PTPRT: variants seen among roughly 807,000 people sequenced by gnomAD.
PTPRT encodes the protein protein tyrosine phosphatase receptor type T, also known as receptor-type tyrosine-protein phosphatase T.
In PTPRT, 56 loss-of-function variants were observed where a neutral mutation model predicts 176.8. The ratio of observed to expected loss-of-function variants is 0.32; its 90% CI spans 0.26 to 0.40. The LOEUF (loss-of-function observed/expected upper bound fraction) is 0.40, where lower values mean the gene tolerates loss of function less well. Ranked by LOEUF, PTPRT falls within the 10% of genes least tolerant of loss-of-function variation. PTPRT has a pLI of 1.00. For synonymous variants in PTPRT, 783 were observed against 739.0 expected, an observed-to-expected ratio of 1.06 and a Z score of -0.96; for missense variants, 1,540 against 1,908.2, an observed-to-expected ratio of 0.81 and a Z score of 3.60.
At chr20:42,154,197 C>G (rs767220750) in intron 17 of PTPRT, among the ~76,000 whole-genome samples, 3 of 152,176 alleles carry the variant, frequency 2.0e-5, no homozygotes, top group Non-Finnish European at 4.4e-5. Context: ...AGGAGCTGAA[C>G]CAGAACCTTT....
chr20:42,716,537 CATAA>C (rs1338298836), intron 6 of PTPRT, among the ~76,000 whole-genome samples: 1 of 152,176 alleles, frequency 6.6e-6, no homozygotes, highest in African/African-American at 2.4e-5. Context: ...CTTTTGGTTG[CATAA>C]ATGTCTTCTT....
intron 1 of PTPRT, among the ~76,000 whole-genome samples, chr20:43,123,412 A>G (rs1178064718): frequency 6.6e-6 from 1 of 152,176 alleles, no homozygotes; most frequent in Non-Finnish European, 1.5e-5. Context: ...TTATTGAGTG[A>G]CAAGCACCAT....
chr20:42,385,168 T>C (rs998091261), intron 9 of PTPRT, among the ~76,000 whole-genome samples: 4 of 152,204 alleles, frequency 2.6e-5, no homozygotes, highest in Non-Finnish European at 5.9e-5. Context: ...CAGACCAATG[T>C]CATGGAGCTT....
At chr20:42,553,621 C>T (rs893348981) in intron 7 of PTPRT, among the ~76,000 whole-genome samples, 2 of 152,034 alleles carry the variant, frequency 1.3e-5, no homozygotes, top group South Asian at 2.1e-4. Context: ...TTTTACTTGA[C>T]CTCTCTCCCC....
At chr20:42,401,134 A>AATAAATAG (rs2058902483) in intron 9 of PTPRT, among the ~76,000 whole-genome samples, 1 of 13,508 alleles carries the variant, frequency 7.4e-5, no homozygotes, top group Non-Finnish European at 2.2e-4. Flanking sequence ...TCAAAACAGT[A>AATAAATAG]ATAAATAAAT....
At chr20:42,604,176 G>C (rs891255165) in intron 7 of PTPRT, among the ~76,000 whole-genome samples, 1 of 152,164 alleles carries the variant, frequency 6.6e-6, no homozygotes, top group Non-Finnish European at 1.5e-5. Flanking sequence ...GGACGGCCTT[G>C]AGTCAGCAAT....
At chr20:42,840,659 C>A (rs2078262489) in intron 2 of PTPRT, among the ~76,000 whole-genome samples, 1 of 152,254 alleles carries the variant, frequency 6.6e-6, no homozygotes, top group Admixed American at 6.5e-5. Context: ...GTGATCTGCC[C>A]ATCTTGGCCT....
chr20:43,148,478 C>T (rs531274030), intron 1 of PTPRT, among the ~76,000 whole-genome samples: 74 of 152,108 alleles, frequency 4.9e-4, no homozygotes, highest in Non-Finnish European at 9.3e-4. Flanking sequence ...TCTCTGCAAC[C>T]CCAGCACCCA....
chr20:42,916,553 A>G lies in PTPRT; in HGVS notation c.89-30621T>C, dbSNP rs538844711. On this transcript the variant is annotated intron_variant, in intron 1 of 30. Transcript: ENST00000373187. ...AGGAATCGCCACACTGACTTCCACA[A>G]TGGTTAAACTAGTTTACAGTCCCAC... Among the ~76,000 whole-genome samples the G allele has an allele frequency of 4.9e-3, 750 of 152,322 alleles. 3 individuals are homozygous for G. The highest frequency in any genetic ancestry group is 0.017 in the African/African-American group (695 of 41,568).
intron 7 of PTPRT, among the ~76,000 whole-genome samples, chr20:42,586,736 C>T (rs2073477751): frequency 6.6e-6 from 1 of 152,156 alleles, no homozygotes; most frequent in African/African-American, 2.4e-5. Context: ...TTGCTTTTCT[C>T]TTAATGATTT....
intron 8 of PTPRT, among the ~76,000 whole-genome samples, chr20:42,456,921 C>A (rs1283929184): frequency 3.3e-5 from 5 of 152,242 alleles, no homozygotes; most frequent in African/African-American, 9.6e-5. Flanking sequence ...GTGAAGTCAC[C>A]TGGGACTGAT....
In PTPRT at chr20:42,372,281, T is replaced by C. The variant is rs1170753378; in HGVS notation, c.1561-19996A>G. ...CAGAAGACAGGGTTTTCTTAACTCTTTTTTTTTTTTTTTTTTTTTTGAGAT... is the reference window on the plus strand; with the variant it reads ...CAGAAGACAGGGTTTTCTTAACTCTCTTTTTTTTTTTTTTTTTTTTGAGAT... On this transcript the variant is annotated intron_variant, in intron 9 of 30. Coordinates refer to ENST00000373187, the MANE Select transcript of PTPRT (RefSeq NM_007050.6). Among the ~76,000 whole-genome samples the C allele has an allele frequency of 1.5e-3, 10 of 6,558 alleles. No individual in the cohort carries two copies. The South Asian group carries it at 0.022, about 14-fold the overall frequency. The allele number at this position is 6,558 out of a possible 152,430, so 4.3% of individuals were successfully genotyped here.
chr20:42,860,102 T>C lies in PTPRT; in HGVS notation c.214+25705A>G, dbSNP rs191617790. Among the ~76,000 whole-genome samples the C allele has an allele frequency of 1.2e-4, 18 of 152,318 alleles. No homozygotes were observed. In the East Asian group the frequency reaches 3.3e-3, roughly 28 times the overall value. On this transcript the variant is annotated intron_variant, in intron 2 of 30. Coordinates refer to ENST00000373187, the MANE Select transcript of PTPRT (RefSeq NM_007050.6). ...TTTATCCAGAATATATTTTGGTACA[T>C]AGTATGAAGAACCCACATCCTCCCC...
chr20:42,132,027 A>G (rs541536659), intron 18 of PTPRT, among the ~76,000 whole-genome samples: 3 of 152,150 alleles, frequency 2.0e-5, no homozygotes, highest in Non-Finnish European at 4.4e-5. Context: ...TTCATTTCAG[A>G]AGGCTCTCCA....
intron 1 of PTPRT, among the ~76,000 whole-genome samples, chr20:42,974,713 T>C (rs939755005): frequency 1.3e-5 from 2 of 152,238 alleles, no homozygotes; most frequent in African/African-American, 2.4e-5. Context: ...GAAAAATCTG[T>C]TCAATTTTGA....
intron 20 of PTPRT, 78 bp downstream of exon 20, chr20:42,119,857 G>T: frequency 7.7e-7 from 1 of 1,304,126 alleles, no homozygotes; most frequent in Non-Finnish European, 1.1e-6. Context: ...GAGAGGACAA[G>T]CCTTGCAGTT....
At chr20:42,128,095 G>A (rs917658550) in intron 19 of PTPRT, among the ~76,000 whole-genome samples, 4 of 151,900 alleles carry the variant, frequency 2.6e-5, no homozygotes, top group African/African-American at 9.7e-5. Context: ...CTCAAATGGA[G>A]CTGCTATGTA....
intron 1 of PTPRT, among the ~76,000 whole-genome samples, chr20:42,897,147 A>G (rs985330393): frequency 1.3e-5 from 2 of 152,168 alleles, no homozygotes; most frequent in African/African-American, 4.8e-5. Context: ...AAGTCATCCA[A>G]TGTCATACAT....
chr20:43,131,316 G>C (rs1184470776), intron 1 of PTPRT, among the ~76,000 whole-genome samples: 1 of 152,150 alleles, frequency 6.6e-6, no homozygotes, highest in Non-Finnish European at 1.5e-5. Flanking sequence ...TGCCAAAATT[G>C]GGAATCACAC....
Sources: allele counts gnomAD v4.1 joint callset (sites outside exome capture counted in the v4.1 genomes callset), GRCh38; gene constraint gnomAD v4.1.1; transcripts MANE v1.5; gene names NCBI Gene and HGNC (gene_info 2026-07-23, HGNC 2026-07-21).